Variants in NOX5 observed in about 807,000 individuals in gnomAD.
NOX5 encodes NADPH oxidase, EF-hand calcium binding domain 5.
A neutral mutation model predicts 85.7 loss-of-function variants in NOX5; 76 were observed. That is an observed-to-expected ratio of 0.89 (90% CI 0.74 to 1.07). The LOEUF (loss-of-function observed/expected upper bound fraction) is 1.07. Ranked by LOEUF, NOX5 falls within the 50% of genes least tolerant of loss-of-function variation. The pLI is 0.00. For synonymous variants in NOX5, 405 were observed against 401.4 expected (o/e 1.01, Z -0.11); for missense variants, 973 against 999.5 (o/e 0.97, Z 0.36).
intron 3 of NOX5, chr15:69,030,803 T>C (rs2050419007): frequency 6.6e-6 from 1 of 152,222 alleles, no homozygotes; most frequent in Non-Finnish European, 1.5e-5. Flanking sequence ...CGAGTTTCCT[T>C]GAGCTAGTTC....
At chr15:69,031,941 C>T (rs1370629222) in intron 4 of NOX5, 129 bp downstream of exon 4, 28 of 959,584 alleles carry the variant, frequency 2.9e-5, no homozygotes, top group Non-Finnish European at 4.1e-5. Flanking sequence ...CCAGTTTAGC[C>T]CACTCTTGAG....
rs374987860 is a variant in NOX5 at position 69,035,954 on chromosome 15, C to T, written c.1188+18C>T. 1.9e-6 allele frequency: 3 copies of T among 1,613,384 alleles called. No individual in the cohort carries two copies. The highest frequency in any genetic ancestry group is 2.5e-6 in the Non-Finnish European group (3 of 1,179,496). Reference sequence around the variant, plus strand: ...ACTTTGAGGTGCCCCAGTTGCTGCCCTTTTGCTTCCCCCAAGGCCAGGGTC... The same window carrying T: ...ACTTTGAGGTGCCCCAGTTGCTGCCTTTTTGCTTCCCCCAAGGCCAGGGTC... On this transcript the variant is annotated intron_variant, in intron 7 of 15. Coordinates refer to ENST00000388866, the MANE Select transcript of NOX5 (RefSeq NM_024505.4).
At chr15:69,052,849 C>T (rs940823693) in intron 14 of NOX5, among the ~76,000 whole-genome samples, 29 of 152,076 alleles carry the variant, frequency 1.9e-4, no homozygotes, top group African/African-American at 6.5e-4. Context: ...AATGCTTTTA[C>T]GTATATTAAT....
intron 9 of NOX5, among the ~76,000 whole-genome samples, chr15:69,039,381 G>C (rs2050564687): frequency 6.6e-6 from 1 of 151,706 alleles, no homozygotes; most frequent in African/African-American, 2.4e-5. Flanking sequence ...ATGGGGGGTG[G>C]CGGGGGGTAG....
At chr15:69,035,695 T>C (rs1033352710) in intron 6 of NOX5, 63 bp from the exon 7 acceptor site, 2 of 1,586,226 alleles carry the variant, frequency 1.3e-6, no homozygotes, top group South Asian at 1.2e-5. Flanking sequence ...GGGATCCCAA[T>C]GGGAAGGTGG....
intron 14 of NOX5, among the ~76,000 whole-genome samples, chr15:69,054,861 G>A (rs2050791392): frequency 6.6e-6 from 1 of 152,162 alleles, no homozygotes; most frequent in Non-Finnish European, 1.5e-5. Context: ...AGGCATGGAA[G>A]GGCATGAGCT....
rs112276251 is a variant in NOX5 at position 69,057,048 on chromosome 15, T to C, written c.*352T>C. Reference sequence around the variant, plus strand: ...ACGGAGCCTTCCCCCACATCCATGGTCCCAAACCTGCCCAATCATCACAGT... The same window carrying C: ...ACGGAGCCTTCCCCCACATCCATGGCCCCAAACCTGCCCAATCATCACAGT... On this transcript the variant is annotated 3_prime_UTR_variant, in exon 16 of 16. Coordinates refer to ENST00000388866, the MANE Select transcript of NOX5 (RefSeq NM_024505.4). 186 of 194,654 alleles carry C rather than the reference T, an allele frequency of 9.6e-4. 1 individual carries two copies. The highest frequency in any genetic ancestry group is 4.0e-3 in the African/African-American group (173 of 43,170). The allele number at this position is 194,654 out of a possible 1,614,324, so 12.1% of individuals were successfully genotyped here.
chr15:69,047,381 A>ATC, intron 11 of NOX5, 32 bp from the exon 12 acceptor site: 1 of 1,535,998 alleles, frequency 6.5e-7, no homozygotes, highest in Non-Finnish European at 8.7e-7. Context: ...GTCACCCCCC[A>ATC]TCTCTCTTCT....
At position 69,047,218 on chromosome 15, in the gene NOX5, C is replaced by T. The variant is rs150333905; in HGVS notation, c.1693-195C>T. 2.7e-5 allele frequency: 18 copies of T among 673,766 alleles called. No homozygotes were observed. In the East Asian group the frequency reaches 4.3e-4, roughly 16 times the overall value. The allele number at this position is 673,766 out of a possible 1,614,324, so 41.7% of individuals were successfully genotyped here. On this transcript the variant is annotated intron_variant, in intron 11 of 15. Transcript: ENST00000388866. ...TAGCTCTGCACTGTAACACCTAGAG[C>T]TCTCCCCAGACTGGTGCTGAGAGCA...
In NOX5 at chr15:69,039,275, C is replaced by T. The variant is rs544519967; in HGVS notation, c.1504+286C>T. ...ACTTTGAATGGTTAGCAGGAGTTTA[C>T]CAGATAGGGAAGGAGATGGGGAGGA... is the stretch of plus-strand genomic sequence containing the variant. On this transcript the variant is annotated intron_variant, in intron 9 of 15. Coordinates refer to ENST00000388866, the MANE Select transcript of NOX5 (RefSeq NM_024505.4). 7.9e-5 allele frequency among the ~76,000 whole-genome samples: 12 copies of T among 151,118 alleles called. No homozygotes were observed. The South Asian group carries it at 2.5e-3, about 32-fold the overall frequency.
chr15:69,022,612 A>C (rs1486917807), intron 1 of NOX5: 1 of 180,898 alleles, frequency 5.5e-6, no homozygotes. Flanking sequence ...CATGATGAGT[A>C]CCCCAACAGT....
chr15:69,039,600 T>C (rs2050569161), intron 9 of NOX5, among the ~76,000 whole-genome samples: 1 of 151,932 alleles, frequency 6.6e-6, no homozygotes, highest in Non-Finnish European at 1.5e-5. Flanking sequence ...CAGGAGAGGA[T>C]ATAGGCATTT....
At chr15:69,026,771 A>G in intron 2 of NOX5, 120 bp downstream of exon 2, 1 of 1,394,628 alleles carries the variant, frequency 7.2e-7, no homozygotes, top group South Asian at 1.3e-5. Context: ...TCCACCTTGT[A>G]GCGGGCTGGC....
At chr15:69,047,055 T>C in intron 11 of NOX5, 189 bp downstream of exon 11, 2 of 626,142 alleles carry the variant, frequency 3.2e-6, no homozygotes, top group Non-Finnish European at 2.8e-6. Context: ...CCAAGGGTGC[T>C]CAGCCTCACC....
intron 9 of NOX5, among the ~76,000 whole-genome samples, chr15:69,042,065 G>GT (rs1053740836): frequency 2.8e-5 from 3 of 109,080 alleles, no homozygotes; most frequent in East Asian, 2.3e-4. Context: ...AGAATCCCTG[G>GT]TTTAAAAAAA....
intron 11 of NOX5, 57 bp from the exon 12 acceptor site, chr15:69,047,356 G>T: frequency 6.7e-7 from 1 of 1,494,486 alleles, no homozygotes. Context: ...TCCCCTGGTA[G>T]CAGGGGAGAC....
intron 1 of NOX5, among the ~76,000 whole-genome samples, chr15:69,017,816 C>T (rs941821674): frequency 1.3e-5 from 2 of 151,844 alleles, no homozygotes; most frequent in Non-Finnish European, 2.9e-5. Flanking sequence ...AAATACATGC[C>T]ACACATATAT....
chr15:69,023,900 G>A lies in NOX5; in HGVS notation c.51-2628G>A, dbSNP rs145041610. On this transcript the variant is annotated intron_variant, in intron 1 of 15. Transcript: ENST00000388866. ...TTTTTCAGGTCTATTAGTAAATCTCGCAACCATTGCATCTTGGCTGTTATG... is the reference window on the plus strand; with the variant it reads ...TTTTTCAGGTCTATTAGTAAATCTCACAACCATTGCATCTTGGCTGTTATG... 9.3e-4 allele frequency: 176 copies of A among 189,994 alleles called. 2 individuals are homozygous for A. The highest frequency in any genetic ancestry group is 3.9e-3 in the African/African-American group (164 of 41,990). The allele number at this position is 189,994 out of a possible 1,614,324, so 11.8% of individuals were successfully genotyped here. A position where few individuals can be genotyped will look rare whatever the true frequency, so the allele number is the denominator to read the frequency against.
At position 69,031,539 on chromosome 15, in the gene NOX5, C is replaced by T. The variant is rs2050430207; in HGVS notation, c.347C>T (p.Ser116Phe). The T allele has an allele frequency of 6.2e-7, 1 of 1,610,010 alleles. No individual in the cohort carries two copies. Among genetic ancestry groups the T allele is most frequent in the South Asian group, 1.1e-5 (1 of 91,046 alleles). The change falls in exon 4 of 16, where the codon TCT (serine) becomes TTT (phenylalanine). Residue 116 changes from serine to phenylalanine, a missense_variant. Coordinates refer to ENST00000388866, the MANE Select transcript of NOX5 (RefSeq NM_024505.4). ...DIDVCARQGASAGTEWGAGAG... is the reference protein window; with the variant it reads ...DIDVCARQGAFAGTEWGAGAG... ...GCAGTGTGTGCACGGCAGGGGGCGTCTGCAGGTACAGAGTGGGGTGCTGGG... is the reference window on the plus strand; with the variant it reads ...GCAGTGTGTGCACGGCAGGGGGCGTTTGCAGGTACAGAGTGGGGTGCTGGG...
Sources: gnomAD v4.1 joint callset for allele counts (sites outside exome capture counted in the v4.1 genomes callset) on GRCh38, gnomAD v4.1.1 for gene constraint, MANE v1.5 for transcripts, NCBI Gene and HGNC (gene_info 2026-07-23, HGNC 2026-07-21) for gene names.